NWD2: variants seen among roughly 807,000 people sequenced by gnomAD.
The protein encoded by NWD2 is NACHT and WD repeat domain-containing protein 2.
Under a neutral mutation model 132.7 loss-of-function variants are expected in NWD2, and 37 were observed. The ratio of observed to expected loss-of-function variants is 0.28; its 90% CI spans 0.21 to 0.37. The LOEUF (loss-of-function observed/expected upper bound fraction) is 0.37. Ranked by LOEUF, NWD2 falls within the 10% of genes least tolerant of loss-of-function variation. The probability of loss-of-function intolerance (pLI) is 1.00; values close to 1 mark genes in which losing one functional copy is unlikely to be tolerated. For missense variants in NWD2, 1,592 were observed against 2,122.4 expected (o/e 0.75, Z 4.91); for synonymous variants, 705 against 803.0 (o/e 0.88, Z 2.06).
chr4:37,327,949 T>C (rs1719207123), intron 2 of NWD2, among the ~76,000 whole-genome samples: 1 of 152,150 alleles, frequency 6.6e-6, no homozygotes, highest in South Asian at 2.1e-4. Flanking sequence ...CCTTTGCTCA[T>C]GCCATTCTCT....
At chr4:37,329,176 G>C (rs1048727135) in intron 2 of NWD2, among the ~76,000 whole-genome samples, 2 of 151,976 alleles carry the variant, frequency 1.3e-5, no homozygotes, top group Non-Finnish European at 2.9e-5. Context: ...CATAACTCCC[G>C]ATAATCCATC....
intron 2 of NWD2, among the ~76,000 whole-genome samples, chr4:37,337,428 A>G (rs1196592707): frequency 6.6e-6 from 1 of 152,074 alleles, no homozygotes; most frequent in Non-Finnish European, 1.5e-5. Flanking sequence ...TCAGCTTCCT[A>G]GGTGTGTAAG....
rs1171254879 is a variant in NWD2, at chr4:37,439,345, G to A, written c.1251G>A (p.Gly417=). ...TCAACCCTCTTATTATATATGGTGGGCCATGCACTGGGAAGACCCTTCTGC... is the reference window on the plus strand; with the variant it reads ...TCAACCCTCTTATTATATATGGTGGACCATGCACTGGGAAGACCCTTCTGC... ...GHINPLIIYG[G]PCTGKTLLLA... The change falls in exon 6 of 7, where the codon GGG becomes GGA. Residue 417 remains glycine (G), a synonymous_variant. Transcript: ENST00000309447. The surrounding 1 kb of genome is among the most constrained non-coding windows in gnomAD (Gnocchi z 4.5). 5 of 1,526,848 alleles carry A rather than the reference G, an allele frequency of 3.3e-6. No homozygotes were observed. In the East Asian group the frequency reaches 1.2e-4, roughly 37 times the overall value. 94.6% of individuals were successfully genotyped at this position (1,526,848 alleles called of 1,614,324 possible). A position where few individuals can be genotyped will look rare whatever the true frequency, so the allele number is the denominator to read the frequency against.
chr4:37,414,146 C>T (rs2109320258), intron 3 of NWD2, among the ~76,000 whole-genome samples: 1 of 152,050 alleles, frequency 6.6e-6, no homozygotes, highest in East Asian at 1.9e-4. Flanking sequence ...AAGAAATTAT[C>T]CTTAATTCTA....
chr4:37,275,182 C>A (rs1717981286), intron 1 of NWD2, among the ~76,000 whole-genome samples: 1 of 152,172 alleles, frequency 6.6e-6, no homozygotes, highest in African/African-American at 2.4e-5. Flanking sequence ...TAGAAAACCC[C>A]ATCGTCTTAG....
At position 37,444,179 on chromosome 4, in the gene NWD2, G is replaced by A. The variant is rs1712566573; in HGVS notation, c.2191G>A (p.Val731Ile). 1 of 1,551,670 alleles carries A rather than the reference G, an allele frequency of 6.4e-7. No individual in the cohort carries two copies. Among genetic ancestry groups the A allele is most frequent in the Non-Finnish European group, 8.7e-7 (1 of 1,146,978 alleles). Residue 731 changes from valine (V) to isoleucine (I), a missense_variant, in exon 7 of 7, where the codon GTC (valine) becomes ATC (isoleucine). Val to Ile is a conservative substitution (Grantham distance 29). Coordinates refer to ENST00000309447, the MANE Select transcript of NWD2 (RefSeq NM_001144990.2). The surrounding 1 kb of genome is among the most constrained non-coding windows in gnomAD (Gnocchi z 4.8). ...ACATGTGAAAAATGTCACACTCCTA[G>A]TCTGGGCCAACAGACACCTGCAGCT... ...ERHVKNVTLLVWANRHLQLIA... is the reference protein window; with the variant it reads ...ERHVKNVTLLIWANRHLQLIA...
At chr4:37,385,139 A>T (rs1014525042) in intron 3 of NWD2, among the ~76,000 whole-genome samples, 1 of 152,142 alleles carries the variant, frequency 6.6e-6, no homozygotes, top group African/African-American at 2.4e-5. Context: ...AGATTAAAAC[A>T]CATGACCGAT....
chr4:37,387,780 T>C (rs965267739), intron 3 of NWD2, among the ~76,000 whole-genome samples: 10 of 150,590 alleles, frequency 6.6e-5, no homozygotes, highest in Admixed American at 2.0e-4. Context: ...GTTCAAGCGA[T>C]TCTCCCGCCT....
intron 1 of NWD2, among the ~76,000 whole-genome samples, chr4:37,302,081 G>A (rs1002408639): frequency 4.0e-5 from 6 of 151,296 alleles, no homozygotes; most frequent in African/African-American, 9.7e-5. Flanking sequence ...CTGTAATTCC[G>A]TGTTTGTTAA....
At chr4:37,299,043 G>T (rs185632251) in intron 1 of NWD2, among the ~76,000 whole-genome samples, 11 of 152,204 alleles carry the variant, frequency 7.2e-5, no homozygotes, top group African/African-American at 1.2e-4. Context: ...TCTCTTTCCT[G>T]TGTATCTAAT....
chr4:37,354,179 G>A (rs146637360), intron 2 of NWD2, among the ~76,000 whole-genome samples: 4,011 of 152,276 alleles, frequency 0.026, 181 homozygotes, highest in African/African-American at 0.091. Context: ...GGAGGCTGCA[G>A]AACAGCAAAG....
chr4:37,247,728 G>A (rs1260201547), intron 1 of NWD2, among the ~76,000 whole-genome samples: 1 of 151,892 alleles, frequency 6.6e-6, no homozygotes, highest in African/African-American at 2.4e-5. Context: ...TCCTGCCTCA[G>A]CCTCCAGAGT....
intron 4 of NWD2, 106 bp downstream of exon 4, chr4:37,430,881 GT>G: frequency 1.0e-6 from 1 of 962,590 alleles, no homozygotes; most frequent in Non-Finnish European, 1.6e-6. Context: ...TAGACAGAAA[GT>G]TACTCTGCCC....
Position 37,439,271 on chromosome 4 carries a change from T to C in NWD2, c.1177T>C (p.Ser393Pro), listed in dbSNP as rs1300270850. The C allele has an allele frequency of 1.3e-6, 2 of 1,551,024 alleles. No individual in the cohort carries two copies. The highest frequency in any genetic ancestry group is 1.7e-6 in the Non-Finnish European group (2 of 1,146,850). ...CTCCTTCTATGAGTACAAATGTGAA[T>C]CTCTAAACATAGTGCATAACTACAT... The part of the protein sequence containing the change: ...YASFYEYKCE[S>P]LNIVHNYILP... Residue 393 changes from serine (S) to proline (P), a missense_variant, in exon 6 of 7, where the codon TCT becomes CCT. By Grantham distance (74) the Ser-to-Pro change is moderately conservative. Around this residue, in one of 7 missense-constraint regions of NWD2, gnomAD observed 1,071 missense variants for 1,398.0 expected, o/e 0.77. Coordinates refer to ENST00000309447, the MANE Select transcript of NWD2 (RefSeq NM_001144990.2). This position sits in a 1 kb window ranked among gnomAD's most constrained non-coding sequence, Gnocchi z 4.5.
At chr4:37,340,491 G>A (rs770042572) in intron 2 of NWD2, among the ~76,000 whole-genome samples, 2 of 152,186 alleles carry the variant, frequency 1.3e-5, no homozygotes, top group Non-Finnish European at 2.9e-5. Flanking sequence ...CAGAGTACCT[G>A]CCCTCATGGA....
chr4:37,270,873 A>G (rs574231259), intron 1 of NWD2, among the ~76,000 whole-genome samples: 15 of 152,002 alleles, frequency 9.9e-5, no homozygotes, highest in Admixed American at 3.3e-4. Context: ...TCTAGAAACT[A>G]TATAACTTTA....
intron 1 of NWD2, among the ~76,000 whole-genome samples, chr4:37,303,305 T>G (rs1718642892): frequency 6.6e-6 from 1 of 152,170 alleles, no homozygotes; most frequent in Non-Finnish European, 1.5e-5. Flanking sequence ...GTTACATCGG[T>G]GTATCTCTCT....
intron 3 of NWD2, among the ~76,000 whole-genome samples, chr4:37,403,129 C>T (rs933848139): frequency 2.0e-5 from 3 of 152,148 alleles, no homozygotes; most frequent in Non-Finnish European, 2.9e-5. Flanking sequence ...AGGAACTACC[C>T]TCTCTTTTCC....
At chr4:37,276,199 A>G (rs1432913767) in intron 1 of NWD2, among the ~76,000 whole-genome samples, 1 of 152,182 alleles carries the variant, frequency 6.6e-6, no homozygotes, top group Admixed American at 6.5e-5. Context: ...CAATCTACTC[A>G]TCTGACAGAG....
Sources: allele counts gnomAD v4.1 joint callset (sites outside exome capture counted in the v4.1 genomes callset), GRCh38; gene constraint gnomAD v4.1.1; regional missense constraint gnomAD v4.1.1; non-coding constraint Gnocchi (gnomAD v3.1); transcripts MANE v1.5; gene names NCBI Gene and HGNC (gene_info 2026-07-23, HGNC 2026-07-21).